FAM110B: variants seen among roughly 807,000 people sequenced by gnomAD.
FAM110B encodes family with sequence similarity 110 member B.
Under a neutral mutation model 20.4 loss-of-function variants are expected in FAM110B, and 6 were observed. The observed-to-expected ratio is 0.29, with a 90% CI of 0.16 to 0.58. The LOEUF (loss-of-function observed/expected upper bound fraction) is 0.58. FAM110B is among the 20% of genes least tolerant of loss of function. FAM110B has a pLI of 0.90. For synonymous variants in FAM110B, 226 were observed against 214.1 expected (o/e 1.06, Z -0.49); for missense variants, 434 against 498.2 (o/e 0.87, Z 1.23).
At chr8:58,087,907 A>G (rs189969449) in intron 3 of FAM110B, among the ~76,000 whole-genome samples, 187 of 152,314 alleles carry the variant, frequency 1.2e-3, no homozygotes, top group Non-Finnish European at 2.2e-3. Context: ...TATAAACATG[A>G]GTAAATTATC....
intron 2 of FAM110B, among the ~76,000 whole-genome samples, chr8:58,062,722 A>T (rs1030535229): frequency 1.3e-5 from 2 of 152,236 alleles, no homozygotes. Context: ...GGTTCATGTC[A>T]ATCTTGAATC....
intron 1 of FAM110B, among the ~76,000 whole-genome samples, chr8:58,019,334 C>T (rs1449442645): frequency 1.2e-4 from 2 of 16,624 alleles, no homozygotes; most frequent in Non-Finnish European, 1.8e-4. Context: ...GAGACTCTGT[C>T]TCAAAAAAAA....
intron 2 of FAM110B, among the ~76,000 whole-genome samples, chr8:58,047,321 A>AC (rs941166472): frequency 1.3e-5 from 2 of 152,132 alleles, no homozygotes; most frequent in African/African-American, 4.8e-5. Flanking sequence ...AATATTAAGT[A>AC]CCTGAAGCCT....
chr8:58,148,536 C>T lies in FAM110B; in HGVS notation c.*1193C>T, dbSNP rs1407223312. The T allele has an allele frequency of 2.4e-5, 4 of 167,046 alleles. No individual in the cohort carries two copies. The highest frequency in any genetic ancestry group is 5.9e-5 in the Non-Finnish European group (4 of 68,124). 10.3% of individuals were successfully genotyped at this position (167,046 alleles called of 1,614,324 possible). Reference sequence around the variant, plus strand: ...CCTTTTTTCCCAATAACCTGTCTTCCAGGTGGTACAGTTAGCTGTCACTCA... The same window carrying T: ...CCTTTTTTCCCAATAACCTGTCTTCTAGGTGGTACAGTTAGCTGTCACTCA... On this transcript the variant is annotated 3_prime_UTR_variant, in exon 4 of 4. Coordinates refer to ENST00000519262, the MANE Select transcript of FAM110B (RefSeq NM_001377989.1).
intron 3 of FAM110B, among the ~76,000 whole-genome samples, chr8:58,110,990 G>A (rs976734753): frequency 1.1e-4 from 17 of 152,132 alleles, no homozygotes; most frequent in Non-Finnish European, 1.8e-4. Context: ...CCTCAAGATA[G>A]CGTTATTTTT....
At chr8:58,059,066 C>A (rs1805605556) in intron 2 of FAM110B, among the ~76,000 whole-genome samples, 1 of 152,086 alleles carries the variant, frequency 6.6e-6, no homozygotes, top group Non-Finnish European at 1.5e-5. Flanking sequence ...TGCATTGGTT[C>A]CTGTCACTTA....
chr8:58,057,460 A>G (rs1298333335), intron 2 of FAM110B, among the ~76,000 whole-genome samples: 2 of 152,204 alleles, frequency 1.3e-5, no homozygotes, highest in Non-Finnish European at 2.9e-5. Flanking sequence ...TTATTTTCCT[A>G]AAGAATATGG....
At chr8:58,145,522 G>A (rs1803840877) in intron 3 of FAM110B, among the ~76,000 whole-genome samples, 1 of 152,206 alleles carries the variant, frequency 6.6e-6, no homozygotes, top group African/African-American at 2.4e-5. Context: ...TCAGTGGCAT[G>A]TAATGAGCTG....
At chr8:58,030,485 T>C (rs1804941171) in intron 1 of FAM110B, among the ~76,000 whole-genome samples, 1 of 152,214 alleles carries the variant, frequency 6.6e-6, no homozygotes, top group Non-Finnish European at 1.5e-5. Context: ...TCCTAATACA[T>C]GTTTAGTGTA....
At chr8:58,072,156 A>G (rs1805914716) in intron 2 of FAM110B, among the ~76,000 whole-genome samples, 4 of 152,154 alleles carry the variant, frequency 2.6e-5, no homozygotes, top group African/African-American at 9.7e-5. Context: ...ATCTCCTGAA[A>G]TGCTCCCTAA....
At chr8:58,011,382 T>A (rs73681728) in intron 1 of FAM110B, among the ~76,000 whole-genome samples, 3,438 of 152,264 alleles carry the variant, frequency 0.023, 128 homozygotes, top group African/African-American at 0.076. Flanking sequence ...CCTTTTCTAA[T>A]AAGCAACTGC....
At position 57,997,250 on chromosome 8, in the gene FAM110B, C is replaced by T. The variant is rs939624677; in HGVS notation, c.-512+2444C>T. ...AGCAATCCCATTGTTTGCTGCCCCCCAAAACATACTCTTACCAACCAGACA... is the reference window on the plus strand; with the variant it reads ...AGCAATCCCATTGTTTGCTGCCCCCTAAAACATACTCTTACCAACCAGACA... On this transcript the variant is annotated intron_variant, in intron 1 of 3. Coordinates refer to ENST00000519262, the MANE Select transcript of FAM110B (RefSeq NM_001377989.1). 8.5e-5 allele frequency among the ~76,000 whole-genome samples: 13 copies of T among 152,146 alleles called. No homozygotes were observed. In the East Asian group the frequency reaches 2.5e-3, roughly 29 times the overall value.
chr8:58,143,736 C>G (rs1803793598), intron 3 of FAM110B, among the ~76,000 whole-genome samples: 2 of 152,206 alleles, frequency 1.3e-5, no homozygotes, highest in Admixed American at 1.3e-4. Context: ...CCTTAACAGA[C>G]ACGCAGGTGT....
At chr8:58,087,832 T>G (rs1806376830) in intron 3 of FAM110B, among the ~76,000 whole-genome samples, 1 of 152,228 alleles carries the variant, frequency 6.6e-6, no homozygotes, top group African/African-American at 2.4e-5. Flanking sequence ...TCCTCAAAGT[T>G]TTTATTACAT....
At position 58,075,273 on chromosome 8, in the gene FAM110B, T is replaced by TGTGTGTGTGTGTGTGTG. The variant is rs58047108; in HGVS notation, c.-413-262_-413-261insGTGTGTGTGTGTGTGTG. Among the ~76,000 whole-genome samples the TGTGTGTGTGTGTGTGTG allele has an allele frequency of 9.4e-3, 1,362 of 144,998 alleles. 33 individuals carry two copies. The highest frequency in any genetic ancestry group is 0.034 in the African/African-American group (1,243 of 36,172). On this transcript the variant is annotated intron_variant, in intron 2 of 3. Transcript: ENST00000519262. ...TGAACTAATTTTTGCTTTTTTTTTT[T>TGTGTGTGTGTGTGTGTG]TTTGTGTGTGTGTGTGTGTGTGTTT...
chr8:58,033,675 A>G (rs1263090885), intron 2 of FAM110B, among the ~76,000 whole-genome samples: 1 of 152,232 alleles, frequency 6.6e-6, no homozygotes, highest in Non-Finnish European at 1.5e-5. Flanking sequence ...ACTCAATGTC[A>G]CTAATCATCA....
At chr8:58,116,557 A>G (rs908356078) in intron 3 of FAM110B, among the ~76,000 whole-genome samples, 4 of 152,198 alleles carry the variant, frequency 2.6e-5, no homozygotes, top group African/African-American at 9.7e-5. Flanking sequence ...ATGCCTGAAT[A>G]AAGAAGGAGC....
chr8:58,148,378 C>T lies in FAM110B; in HGVS notation c.*1035C>T, dbSNP rs117860611. On this transcript the variant is annotated 3_prime_UTR_variant, in exon 4 of 4. Coordinates refer to ENST00000519262, the MANE Select transcript of FAM110B (RefSeq NM_001377989.1). ...TGGTAGCTGAACCATATCTGAGCAG[C>T]GTGATTCTGTTGTCTTGCATATGTT... is the stretch of plus-strand genomic sequence containing the variant. 673 of 167,014 alleles carry T rather than the reference C, an allele frequency of 4.0e-3. 1 individual carries two copies. The highest frequency in any genetic ancestry group is 6.1e-3 in the Admixed American group (94 of 15,298). The allele number at this position is 167,014 out of a possible 1,614,324, so 10.3% of individuals were successfully genotyped here.
chr8:58,067,206 G>A (rs192396606), intron 2 of FAM110B, among the ~76,000 whole-genome samples: 77 of 152,334 alleles, frequency 5.1e-4, no homozygotes, highest in African/African-American at 1.7e-3. Context: ...CAGGGTTAGA[G>A]AATGAGAACA....
Sources: allele counts gnomAD v4.1 joint callset (sites outside exome capture counted in the v4.1 genomes callset), GRCh38; gene constraint gnomAD v4.1.1; transcripts MANE v1.5; gene names NCBI Gene and HGNC (gene_info 2026-07-23, HGNC 2026-07-21).